Variants in GNA12 observed in about 807,000 individuals in gnomAD.
The protein encoded by GNA12 is guanine nucleotide-binding protein subunit alpha-12.
GNA12 carries 9 observed loss-of-function variants against 26.0 expected under a neutral mutation model. The observed-to-expected ratio is 0.35, with a 90% CI of 0.21 to 0.60. The LOEUF is 0.60. Ranked by LOEUF, GNA12 falls within the 20% of genes least tolerant of loss-of-function variation. The probability of loss-of-function intolerance (pLI) is 0.78; values close to 1 mark genes in which losing one functional copy is unlikely to be tolerated. For missense variants in GNA12, 405 were observed against 525.8 expected (o/e 0.77, Z 2.25); for synonymous variants, 264 against 219.6 (o/e 1.20, Z -1.79).
intron 1 of GNA12, among the ~76,000 whole-genome samples, chr7:2,818,560 C>T (rs1190596109): frequency 6.6e-6 from 1 of 152,140 alleles, no homozygotes; most frequent in Non-Finnish European, 1.5e-5. Context: ...GTCAGGAGTT[C>T]GAGACCAGCC....
At chr7:2,821,482 A>G (rs958059129) in intron 1 of GNA12, among the ~76,000 whole-genome samples, 11 of 152,226 alleles carry the variant, frequency 7.2e-5, no homozygotes, top group African/African-American at 2.2e-4. Context: ...AACTGCTTTA[A>G]TCATCCACTC....
chr7:2,835,872 G>A (rs1199118857), intron 1 of GNA12: 2 of 584,234 alleles, frequency 3.4e-6, no homozygotes, highest in African/African-American at 1.9e-5. Flanking sequence ...AAGAAACACA[G>A]GAAATGTTAG....
intron 1 of GNA12, among the ~76,000 whole-genome samples, chr7:2,803,505 A>T (rs1792867846): frequency 6.6e-6 from 1 of 152,170 alleles, no homozygotes; most frequent in Non-Finnish European, 1.5e-5. Flanking sequence ...CAAAACCAGG[A>T]ATTCACCAAA....
At chr7:2,737,173 G>T (rs1325596453) in intron 2 of GNA12, among the ~76,000 whole-genome samples, 1 of 151,410 alleles carries the variant, frequency 6.6e-6, no homozygotes, top group Non-Finnish European at 1.5e-5. Flanking sequence ...CCAGAGAGTG[G>T]TTACAAAGAA....
chr7:2,843,848 G>T lies in GNA12; in HGVS notation c.309+5C>A. The T allele has an allele frequency of 6.8e-7, 1 of 1,464,054 alleles. No individual in the cohort carries two copies. Among genetic ancestry groups the T allele is most frequent in the Non-Finnish European group, 9.2e-7 (1 of 1,092,674 alleles). 90.7% of individuals were successfully genotyped at this position (1,464,054 alleles called of 1,614,324 possible). A position where few individuals can be genotyped will look rare whatever the true frequency, so the allele number is the denominator to read the frequency against. ...TGCAGGTGCTGGGCGGGGGGCGCGC[G>T]TCACCTTGAGGATGTTGTCGAAGAT... On this transcript the variant is annotated splice_donor_5th_base_variant and intron_variant, in intron 1 of 3. Coordinates refer to ENST00000275364, the MANE Select transcript of GNA12 (RefSeq NM_007353.3).
intron 2 of GNA12, among the ~76,000 whole-genome samples, chr7:2,777,734 T>C (rs1051843889): frequency 2.0e-5 from 3 of 151,974 alleles, no homozygotes; most frequent in African/African-American, 7.3e-5. Flanking sequence ...CTGTGAAAAA[T>C]ATATGTCTGT....
At chr7:2,773,672 G>C (rs1240837236) in intron 2 of GNA12, among the ~76,000 whole-genome samples, 1 of 152,166 alleles carries the variant, frequency 6.6e-6, no homozygotes, top group Non-Finnish European at 1.5e-5. Flanking sequence ...ATGGGAACTT[G>C]GCCTCTGCTG....
intron 1 of GNA12, among the ~76,000 whole-genome samples, chr7:2,817,957 C>T (rs977710186): frequency 5.3e-5 from 8 of 152,158 alleles, no homozygotes; most frequent in Admixed American, 2.0e-4. Flanking sequence ...TATTAGAACA[C>T]CTGCTTTCAT....
rs1178646721 is a variant in GNA12, at chr7:2,737,269, GTTTTGTTTTTTTTTTTTTTGT to G, written c.526-3789_526-3769del. ...CATTCAGGAGCTATCTCACAGTTTT[GTTTTGTTTTTTTTTTTTTTGT>G]TTTTTTTTTTTTTTTTGAGATGGAG... On this transcript the variant is annotated intron_variant, in intron 2 of 3. Transcript: ENST00000275364. Among the ~76,000 whole-genome samples, 11 of 38,128 alleles carry G rather than the reference GTTTTGTTTTTTTTTTTTTTGT, an allele frequency of 2.9e-4. No homozygotes were observed. The South Asian group carries it at 3.1e-3, about 11-fold the overall frequency. 25.0% of individuals were successfully genotyped at this position (38,128 alleles called of 152,430 possible).
intron 2 of GNA12, among the ~76,000 whole-genome samples, chr7:2,787,447 C>T (rs1345073241): frequency 6.6e-6 from 1 of 152,190 alleles, no homozygotes; most frequent in Non-Finnish European, 1.5e-5. Context: ...GCCCACCTCC[C>T]GTCAGCCTCC....
intron 1 of GNA12, among the ~76,000 whole-genome samples, chr7:2,796,764 G>C (rs917445670): frequency 4.1e-4 from 62 of 152,048 alleles, no homozygotes; most frequent in African/African-American, 1.4e-3. Flanking sequence ...TCATCAACAG[G>C]GTCAAAGGGA....
intron 2 of GNA12, among the ~76,000 whole-genome samples, chr7:2,770,058 C>T (rs1284165823): frequency 6.6e-6 from 1 of 152,124 alleles, no homozygotes; most frequent in African/African-American, 2.4e-5. Flanking sequence ...AGCTAAGATT[C>T]AATTCAAGCT....
rs199864719 is a variant in GNA12 at position 2,733,534 on chromosome 7, C to G, written c.526-33G>C. 4 of 1,571,276 alleles carry G rather than the reference C, an allele frequency of 2.5e-6. No individual in the cohort carries two copies. In the East Asian group the frequency reaches 9.0e-5, roughly 35 times the overall value. On this transcript the variant is annotated intron_variant, in intron 2 of 3. Coordinates refer to ENST00000275364, the MANE Select transcript of GNA12 (RefSeq NM_007353.3). ...GAAGGAAGAATATTCACAGCTCAGT[C>G]TGGACTGAGGAATCCTGATGTGGCA...
chr7:2,839,966 C>G lies in GNA12; in HGVS notation c.309+3887G>C, dbSNP rs148256737. On this transcript the variant is annotated intron_variant, in intron 1 of 3. Transcript: ENST00000275364. Reference sequence around the variant, plus strand: ...TGAGCTGAGATTGTGCCACTGCACTCCAGCCTGGGCGACAGAGCAAGACTG... The same window carrying G: ...TGAGCTGAGATTGTGCCACTGCACTGCAGCCTGGGCGACAGAGCAAGACTG... 4.8e-3 allele frequency among the ~76,000 whole-genome samples: 731 copies of G among 152,278 alleles called. 5 individuals are homozygous for G. The highest frequency in any genetic ancestry group is 0.016 in the African/African-American group (677 of 41,554).
intron 2 of GNA12, among the ~76,000 whole-genome samples, chr7:2,747,406 A>G (rs1331709677): frequency 6.6e-6 from 1 of 152,194 alleles, no homozygotes; most frequent in Non-Finnish European, 1.5e-5. Context: ...TATAAACAGA[A>G]CCAAAGACAA....
chr7:2,793,324 G>A (rs776717028), intron 2 of GNA12, among the ~76,000 whole-genome samples: 2 of 146,276 alleles, frequency 1.4e-5, no homozygotes, highest in Non-Finnish European at 3.0e-5. Flanking sequence ...GGAAGCAGCG[G>A]ACAGGACGCG....
intron 1 of GNA12, among the ~76,000 whole-genome samples, chr7:2,800,149 C>A (rs1048651841): frequency 1.3e-5 from 2 of 152,182 alleles, no homozygotes; most frequent in Non-Finnish European, 2.9e-5. Flanking sequence ...CATTACCCAG[C>A]AACAAATGGG....
intron 2 of GNA12, among the ~76,000 whole-genome samples, chr7:2,742,307 C>T (rs764087606): frequency 6.6e-6 from 1 of 152,114 alleles, no homozygotes; most frequent in Non-Finnish European, 1.5e-5. Flanking sequence ...TGAGCCACCA[C>T]GCCCAGCCTA....
At chr7:2,774,321 G>A (rs756987485) in intron 2 of GNA12, among the ~76,000 whole-genome samples, 12 of 152,166 alleles carry the variant, frequency 7.9e-5, no homozygotes, top group Admixed American at 2.0e-4. Context: ...TTTTTTAAAT[G>A]AAATAGGGAA....
Sources: gnomAD v4.1 joint callset for allele counts (sites outside exome capture counted in the v4.1 genomes callset) on GRCh38, gnomAD v4.1.1 for gene constraint, MANE v1.5 for transcripts, NCBI Gene and HGNC (gene_info 2026-07-23, HGNC 2026-07-21) for gene names.